PRSS55: variants seen among roughly 807,000 people sequenced by gnomAD.
PRSS55 encodes probable serine protease UNQ9391/PRO34284.
PRSS55 carries 41 observed loss-of-function variants against 23.6 expected under a neutral mutation model. The ratio of observed to expected loss-of-function variants is 1.74; its 90% CI spans 1.35 to 2.26. The LOEUF is 2.26. Ranked by LOEUF, PRSS55 falls within the 30% of genes most tolerant of loss-of-function variation. The pLI is 0.00. For synonymous variants in PRSS55, 262 were observed against 175.5 expected, an observed-to-expected ratio of 1.49 and a Z score of -3.90; for missense variants, 669 against 439.1, an observed-to-expected ratio of 1.52 and a Z score of -4.68.
chr8:10,541,367 C>T (rs755982363), downstream of PRSS55: 4 of 152,208 alleles, frequency 2.6e-5, no homozygotes, highest in Admixed American at 6.5e-5. Flanking sequence ...CTGAGTAGGA[C>T]AAAAATGATT....
At chr8:10,535,298 T>C (rs898324130) in intron 4 of PRSS55, among the ~76,000 whole-genome samples, 4 of 152,182 alleles carry the variant, frequency 2.6e-5, no homozygotes, top group African/African-American at 9.7e-5. Context: ...GGAGGCATCA[T>C]GCTATCCAAC....
intron 4 of PRSS55, among the ~76,000 whole-genome samples, chr8:10,550,798 T>C (rs1812935070): frequency 1.3e-5 from 2 of 152,230 alleles, no homozygotes; most frequent in South Asian, 2.1e-4. Context: ...GCAAAAGACA[T>C]GGCAGGTGTG....
chr8:10,531,153 C>G, intron 2 of PRSS55, 142 bp from the exon 3 acceptor site: 1 of 1,027,006 alleles, frequency 9.7e-7, no homozygotes, highest in East Asian at 2.4e-5. Context: ...TTCCAATCCT[C>G]ACACCTTCTG....
exon 5 of PRSS55, chr8:10,554,102 T>A (rs1418935112): frequency 1.0e-6 from 1 of 968,680 alleles, no homozygotes; most frequent in East Asian, 2.7e-5. Context: ...TAGCCTTGAG[T>A]TGAAAATCTT....
chr8:10,543,475 TCTCTC>T (rs1812725990), downstream of PRSS55, among the ~76,000 whole-genome samples: 1 of 26,882 alleles, frequency 3.7e-5, no homozygotes, highest in African/African-American at 5.9e-5. Flanking sequence ...TTTCTTTCTT[TCTCTC>T]TTTTTTTTTT....
At chr8:10,529,963 C>T (rs1057044902) in intron 2 of PRSS55, among the ~76,000 whole-genome samples, 1 of 152,222 alleles carries the variant, frequency 6.6e-6, no homozygotes, top group African/African-American at 2.4e-5. Context: ...ACACCTGTGG[C>T]TTGATGGAGC....
chr8:10,530,182 C>T (rs1342190586), intron 2 of PRSS55, among the ~76,000 whole-genome samples: 1 of 152,198 alleles, frequency 6.6e-6, no homozygotes, highest in Non-Finnish European at 1.5e-5. Context: ...GAAACTTTCC[C>T]CTATTGGCCG....
intron 2 of PRSS55, among the ~76,000 whole-genome samples, chr8:10,530,829 G>A (rs1037636765): frequency 3.9e-5 from 6 of 152,174 alleles, no homozygotes; most frequent in African/African-American, 1.2e-4. Context: ...GCTTATTACT[G>A]AAGATCCTGT....
chr8:10,534,953 CA>C (rs1554583393), intron 4 of PRSS55, among the ~76,000 whole-genome samples: 3 of 152,148 alleles, frequency 2.0e-5, no homozygotes, highest in Non-Finnish European at 4.4e-5. Flanking sequence ...ATCAAAAATG[CA>C]ATCCCATTCA....
chr8:10,540,623 G>A (rs141221509), downstream of PRSS55: 1 of 152,306 alleles, frequency 6.6e-6, no homozygotes, highest in Non-Finnish European at 1.5e-5. Flanking sequence ...CCTGAGGCAG[G>A]ATAACGGCTT....
In PRSS55 at chr8:10,525,594, G is replaced by C. The variant is rs1222653456; in HGVS notation, c.9G>C (p.Leu3=). 2.5e-6 allele frequency: 4 copies of C among 1,613,904 alleles called. No individual in the cohort carries two copies. In the East Asian group the frequency reaches 6.7e-5, roughly 27 times the overall value. Residue 3 remains leucine, a synonymous_variant, in exon 1 of 5, where the codon CTG becomes CTC. Transcript: ENST00000328655. ML[L]FSVLLLLSLV... ...CAGCACAGCCCAGGGCCATGCTCCT[G>C]TTCTCAGTGTTGCTGCTCCTGTCCC...
rs956805209 is a variant in PRSS55 at position 10,525,674 on chromosome 8, C to A, written c.89C>A (p.Ala30Asp). 2.5e-6 allele frequency: 4 copies of A among 1,613,988 alleles called. No individual in the cohort carries two copies. Among genetic ancestry groups the A allele is most frequent in the Non-Finnish European group, 3.4e-6 (4 of 1,180,020 alleles). ...PRTPLPEAGV[A>D]ILGRARGAHR... The stretch of plus-strand genomic sequence containing the variant: ...ACTCCTCTCCCAGAGGCTGGAGTGG[C>A]TATCCTAGGCAGGGCTAGGGGAGCC... The change falls in exon 1 of 5, where the codon GCT becomes GAT. Residue 30 changes from alanine to aspartate, a missense_variant. Transcript: ENST00000328655.
chr8:10,542,731 G>T (rs944559418), downstream of PRSS55, among the ~76,000 whole-genome samples: 2 of 151,956 alleles, frequency 1.3e-5, no homozygotes, highest in Admixed American at 6.6e-5. Flanking sequence ...AAATTAGCTG[G>T]GTGTGGTGGC....
At chr8:10,549,656 C>T (rs551240757) in intron 4 of PRSS55, among the ~76,000 whole-genome samples, 96 of 152,298 alleles carry the variant, frequency 6.3e-4, no homozygotes, top group African/African-American at 2.2e-3. Context: ...TGTTAGGGTA[C>T]CAGGCAGGGG....
rs533870774 is a variant in PRSS55 at position 10,547,036 on chromosome 8, C to T, written c.742-6907C>T. 5.3e-5 allele frequency among the ~76,000 whole-genome samples: 8 copies of T among 152,330 alleles called. No homozygotes were observed. In the South Asian group the frequency reaches 1.7e-3, roughly 32 times the overall value. Reference sequence around the variant, plus strand: ...ATCCTATGCTGAGCCACATCAGCCTCGCTGTAGCCCAGCAGATGGCAGTGG... The same window carrying T: ...ATCCTATGCTGAGCCACATCAGCCTTGCTGTAGCCCAGCAGATGGCAGTGG... On this transcript the variant is annotated intron_variant, in intron 4 of 4. Coordinates refer to the PRSS55 transcript ENST00000522210.
chr8:10,542,505 T>C (rs1269834267), downstream of PRSS55, among the ~76,000 whole-genome samples: 1 of 151,962 alleles, frequency 6.6e-6, no homozygotes, highest in East Asian at 1.9e-4. Context: ...ATGTTTTGTA[T>C]TTAAGAATAA....
In PRSS55 at chr8:10,525,749, G is replaced by A; in HGVS notation, c.154+10G>A. 2 of 1,582,234 alleles carry A rather than the reference G, an allele frequency of 1.3e-6. No individual in the cohort carries two copies. Among genetic ancestry groups the A allele is most frequent in the Non-Finnish European group, 1.7e-6 (2 of 1,162,614 alleles). On this transcript the variant is annotated intron_variant, in intron 1 of 4. Coordinates refer to ENST00000328655, the MANE Select transcript of PRSS55 (RefSeq NM_198464.4). ...CCCAGCCCAGTCAGTGGTGAGTACA[G>A]GGGCAGAAGGGGCATGGATGGGGGC...
Position 10,533,132 on chromosome 8 carries a change from A to G in PRSS55, c.741+84A>G, listed in dbSNP as rs1332794669. On this transcript the variant is annotated intron_variant, in intron 4 of 4. Transcript: ENST00000328655. ...GCAAGGGTATTCTCTCTCTGCTGCA[A>G]ATAGACAATTCTGAGTCTGGAAAAT... The G allele has an allele frequency of 2.8e-6, 4 of 1,423,094 alleles. No homozygotes were observed. The Admixed American group carries it at 5.8e-5, about 21-fold the overall frequency. 88.2% of individuals were successfully genotyped at this position (1,423,094 alleles called of 1,614,324 possible).
Position 10,538,501 on chromosome 8 carries a change from G to A in PRSS55, c.767G>A (p.Cys256Tyr), listed in dbSNP as rs745667490. The part of the protein sequence containing the change: ...CKGDSGGPLV[C>Y]TPEPGEKWYQ... Reference sequence around the variant, plus strand: ...GGTGACAGTGGGGGGCCTCTGGTCTGCACCCCAGAGCCTGGTGAGAAGTGG... The same window carrying A: ...GGTGACAGTGGGGGGCCTCTGGTCTACACCCCAGAGCCTGGTGAGAAGTGG... The change falls in exon 5 of 5, where the codon TGC becomes TAC. Residue 256 changes from cysteine (C) to tyrosine (Y), a missense_variant. Coordinates refer to ENST00000328655, the MANE Select transcript of PRSS55 (RefSeq NM_198464.4). 4 of 1,613,722 alleles carry A rather than the reference G, an allele frequency of 2.5e-6. No homozygotes were observed. The highest frequency in any genetic ancestry group is 3.4e-6 in the Non-Finnish European group (4 of 1,179,874).
Sources: allele counts gnomAD v4.1 joint callset (sites outside exome capture counted in the v4.1 genomes callset), GRCh38; gene constraint gnomAD v4.1.1; transcripts MANE v1.5; gene names NCBI Gene and HGNC (gene_info 2026-07-23, HGNC 2026-07-21).